Variants in TPRA1 observed in about 807,000 individuals in gnomAD.
TPRA1 encodes the protein transmembrane protein adipocyte-associated 1.
Under a neutral mutation model 40.1 loss-of-function variants are expected in TPRA1, and 28 were observed. That is an observed-to-expected ratio of 0.70 (90% CI 0.52 to 0.96). TPRA1 has a LOEUF of 0.96. Ranked by LOEUF, TPRA1 falls within the 40% of genes least tolerant of loss-of-function variation. The pLI, the probability that TPRA1 is intolerant of heterozygous loss-of-function variation, is 0.00. For synonymous variants in TPRA1, 219 were observed against 209.7 expected (o/e 1.04, Z -0.38); for missense variants, 441 against 482.6 (o/e 0.91, Z 0.81).
chr3:127,575,166 C>T lies in TPRA1; in HGVS notation c.854+19G>A. The T allele has an allele frequency of 6.2e-7, 1 of 1,611,234 alleles. No homozygotes were observed. Among genetic ancestry groups the T allele is most frequent in the Non-Finnish European group, 8.5e-7 (1 of 1,179,314 alleles). On this transcript the variant is annotated intron_variant, in intron 10 of 10. Coordinates refer to ENST00000355552, the MANE Select transcript of TPRA1 (RefSeq NM_001136053.4). ...TTCCGCCGGCAGCCACGCGGGGGCG[C>T]CGGCGGCCACAGACTCACCCGAAGA...
Position 127,576,699 on chromosome 3 carries a change from G to C in TPRA1, c.419-3C>G, listed in dbSNP as rs758014024. 1 of 1,609,554 alleles carries C rather than the reference G, an allele frequency of 6.2e-7. No individual in the cohort carries two copies. On this transcript the variant is annotated splice_region_variant and splice_polypyrimidine_tract_variant and intron_variant, in intron 5 of 10. Coordinates refer to ENST00000355552, the MANE Select transcript of TPRA1 (RefSeq NM_001136053.4). This position sits in a 1 kb window ranked among gnomAD's most constrained non-coding sequence, Gnocchi z 4.6. The stretch of plus-strand genomic sequence containing the variant: ...GCTGGACTTACTCTCCAGGTGGCCT[G>C]GAAGAAACATGCTGGTCAGCAGGCA...
rs1372425314 is a variant in TPRA1, at chr3:127,576,014, A to C, written c.535T>G (p.Ser179Ala). Residue 179 changes from serine (S) to alanine (A), a missense_variant, in exon 7 of 11, where the codon TCA (serine) becomes GCA (alanine). Transcript: ENST00000355552. This position sits in a 1 kb window ranked among gnomAD's most constrained non-coding sequence, Gnocchi z 4.6. ...LEILYPDAHL[S>A]AEDFNIYGHG... ...CCATAGATATTAAAGTCCTCAGCTG[A>C]GAGATGGGCATCAGGGTACAGGATC... 1.9e-6 allele frequency: 3 copies of C among 1,614,014 alleles called. No homozygotes were observed. Among genetic ancestry groups the C allele is most frequent in the South Asian group, 1.1e-5 (1 of 91,088 alleles).
At chr3:127,596,801 C>T (rs1318020911) in intron 1 of TPRA1, among the ~76,000 whole-genome samples, 1 of 152,122 alleles carries the variant, frequency 6.6e-6, no homozygotes, top group African/African-American at 2.4e-5. Flanking sequence ...CTTTTGCTGT[C>T]CTCAATCACC....
At chr3:127,579,230 T>G (rs1174879313) in intron 3 of TPRA1, among the ~76,000 whole-genome samples, 2 of 152,218 alleles carry the variant, frequency 1.3e-5, no homozygotes, top group African/African-American at 2.4e-5. Flanking sequence ...AATGGACAGA[T>G]GGGGGACGAA....
At chr3:127,574,716 G>A (rs770649893) in intron 10 of TPRA1, among the ~76,000 whole-genome samples, 3 of 152,214 alleles carry the variant, frequency 2.0e-5, no homozygotes, top group African/African-American at 2.4e-5. Flanking sequence ...GTAGAACACC[G>A]TGCATAGTCA....
rs779581435 is a variant in TPRA1 at position 127,575,272 on chromosome 3, A to G, written c.774-7T>C. ...GGTTGTGGCATCTACACAGCTGCGG[A>G]GAAGGCGGGTCAGCGCGGGGCCTCC... On this transcript the variant is annotated splice_region_variant and splice_polypyrimidine_tract_variant and intron_variant, in intron 9 of 10. Transcript: ENST00000355552. 6.2e-7 allele frequency: 1 copy of G among 1,613,382 alleles called. No homozygotes were observed. The highest frequency in any genetic ancestry group is 2.2e-5 in the East Asian group (1 of 44,844).
At chr3:127,596,081 T>C (rs2074237469) in intron 1 of TPRA1, among the ~76,000 whole-genome samples, 1 of 151,860 alleles carries the variant, frequency 6.6e-6, no homozygotes, top group South Asian at 2.1e-4. Flanking sequence ...AATCCCAGGA[T>C]AATTTTTTTT....
intron 1 of TPRA1, 141 bp from the exon 2 acceptor site, chr3:127,580,304 A>C: frequency 3.2e-6 from 3 of 939,198 alleles, no homozygotes; most frequent in Non-Finnish European, 4.6e-6. Flanking sequence ...ACTGCAGCTC[A>C]GTGTGGGGCT....
Position 127,580,161 on chromosome 3 carries a change from G to C in TPRA1, c.-15C>G. ...AGGGTGTCCATCCCGCCAGCAGCCA[G>C]CCCTGGGGGAGTGAGAGCCGCCCAG... is the stretch of plus-strand genomic sequence containing the variant. On this transcript the variant is annotated splice_region_variant and 5_prime_UTR_variant, in exon 2 of 11. Coordinates refer to ENST00000355552, the MANE Select transcript of TPRA1 (RefSeq NM_001136053.4). 1 of 1,610,120 alleles carries C rather than the reference G, an allele frequency of 6.2e-7. No homozygotes were observed. The highest frequency in any genetic ancestry group is 8.5e-7 in the Non-Finnish European group (1 of 1,179,518).
chr3:127,591,150 G>A (rs2074160501), upstream of TPRA1: 1 of 152,108 alleles, frequency 6.6e-6, no homozygotes. Flanking sequence ...GGCGCTTCGG[G>A]CGCCCTGCAG....
At chr3:127,592,369 T>G (rs906209251), upstream of TPRA1, among the ~76,000 whole-genome samples, 2 of 107,620 alleles carry the variant, frequency 1.9e-5, no homozygotes, top group Admixed American at 8.9e-5. Context: ...AACATGCTGT[T>G]TTTTTTTTTT....
upstream of TPRA1, among the ~76,000 whole-genome samples, chr3:127,592,425 T>TCGGACTG (rs1314553219): frequency 2.3e-5 from 3 of 129,402 alleles, no homozygotes; most frequent in South Asian, 2.8e-4. Flanking sequence ...GTCGCCCAGG[T>TCGGACTG]CGGACTGCGG....
upstream of TPRA1, chr3:127,591,140 G>A: frequency 6.6e-6 from 1 of 152,080 alleles, no homozygotes; most frequent in Admixed American, 6.5e-5. Flanking sequence ...CTCGCGTGCG[G>A]GCGCTTCGGG....
Position 127,572,675 on chromosome 3 carries a change from A to G in TPRA1, c.*846T>C, listed in dbSNP as rs1006287447. Among the ~76,000 whole-genome samples the G allele has an allele frequency of 1.3e-5, 2 of 152,190 alleles. No homozygotes were observed. Among genetic ancestry groups the G allele is most frequent in the African/African-American group, 4.8e-5 (2 of 41,448 alleles). ...AGCCACTCGTGCTTAGTGTTTTCCA[A>G]TCCTTACAAAAGGCCCTGCAGGATG... On this transcript the variant is annotated 3_prime_UTR_variant, in exon 11 of 11. Transcript: ENST00000355552.
At chr3:127,583,739 C>T (rs1454706248) in intron 1 of TPRA1, among the ~76,000 whole-genome samples, 1 of 151,414 alleles carries the variant, frequency 6.6e-6, no homozygotes, top group Non-Finnish European at 1.5e-5. Flanking sequence ...GGCGTGATCT[C>T]GGCTCATTTC....
intron 3 of TPRA1, 67 bp from the exon 4 acceptor site, chr3:127,577,143 C>T: frequency 6.6e-7 from 1 of 1,520,372 alleles, no homozygotes; most frequent in Non-Finnish European, 9.1e-7. Context: ...GGGCAGCAAG[C>T]CCACCCCCAT....
Position 127,580,165 on chromosome 3 carries a change from T to TG in TPRA1, c.-17-3dup. ...TGTCCATCCCGCCAGCAGCCAGCCC[T>TG]GGGGGAGTGAGAGCCGCCCAGTGAG... On this transcript the variant is annotated splice_region_variant and splice_polypyrimidine_tract_variant and intron_variant, in intron 1 of 10. Transcript: ENST00000355552. The TG allele has an allele frequency of 6.2e-7, 1 of 1,609,482 alleles. No homozygotes were observed.
At position 127,573,167 on chromosome 3, in the gene TPRA1, T is replaced by G; in HGVS notation, c.*354A>C. The G allele has an allele frequency of 9.1e-6, 2 of 218,692 alleles. No individual in the cohort carries two copies. Among genetic ancestry groups the G allele is most frequent in the Non-Finnish European group, 9.1e-6 (1 of 110,188 alleles). 13.5% of individuals were successfully genotyped at this position (218,692 alleles called of 1,614,324 possible). A position where few individuals can be genotyped will look rare whatever the true frequency, so the allele number is the denominator to read the frequency against. ...ATGCTTTGAGGAGGCCAAAGCACCA[T>G]GGGGATGGGATGGAGGCATTGGGAG... On this transcript the variant is annotated 3_prime_UTR_variant, in exon 11 of 11. Transcript: ENST00000355552.
intron 1 of TPRA1, among the ~76,000 whole-genome samples, chr3:127,584,154 A>C (rs948205442): frequency 1.3e-5 from 2 of 150,344 alleles, no homozygotes; most frequent in Admixed American, 6.6e-5. Context: ...AAAAAAGCAA[A>C]CTTGACAGGG....
Sources: gnomAD v4.1 joint callset for allele counts (sites outside exome capture counted in the v4.1 genomes callset) on GRCh38, gnomAD v4.1.1 for gene constraint, Gnocchi (gnomAD v3.1) non-coding constraint, MANE v1.5 for transcripts, NCBI Gene and HGNC (gene_info 2026-07-23, HGNC 2026-07-21) for gene names.